DISC1: variants seen among roughly 807,000 people sequenced by gnomAD.
DISC1 encodes DISC1 scaffold protein, also known as disrupted in schizophrenia 1 protein.
DISC1 carries 57 observed loss-of-function variants against 84.5 expected under a neutral mutation model. The observed-to-expected ratio is 0.67, with a 90% confidence interval of 0.55 to 0.84. The LOEUF is 0.84. Among genes scored for constraint, DISC1 ranks in the 40% least tolerant of loss-of-function variants. DISC1 has a pLI of 0.00. For synonymous variants in DISC1, 411 were observed against 415.2 expected, an observed-to-expected ratio of 0.99 and a Z score of 0.12; for missense variants, 1,000 against 1,057.8, an observed-to-expected ratio of 0.95 and a Z score of 0.76.
intron 1 of DISC1, among the ~76,000 whole-genome samples, chr1:231,673,173 T>C (rs1012061603): frequency 1.3e-5 from 2 of 152,220 alleles, no homozygotes; most frequent in African/African-American, 4.8e-5. Flanking sequence ...GAATCTGTTT[T>C]CATTATAAAG....
At chr1:231,936,387 G>A (rs939040700) in intron 9 of DISC1, among the ~76,000 whole-genome samples, 6 of 152,128 alleles carry the variant, frequency 3.9e-5, no homozygotes, top group South Asian at 2.1e-4. Flanking sequence ...GTTATATAGC[G>A]TTGCTTCCCT....
intron 8 of DISC1, among the ~76,000 whole-genome samples, chr1:231,806,145 T>C (rs924160140): frequency 6.6e-6 from 1 of 152,204 alleles, no homozygotes; most frequent in Non-Finnish European, 1.5e-5. Context: ...ATAATAAATA[T>C]ATGAACGTGA....
At chr1:231,676,832 T>C (rs1558306183) in intron 1 of DISC1, among the ~76,000 whole-genome samples, 1 of 152,218 alleles carries the variant, frequency 6.6e-6, no homozygotes, top group East Asian at 1.9e-4. Flanking sequence ...AACAGACTTT[T>C]ATAGTTTGTT....
intron 9 of DISC1, among the ~76,000 whole-genome samples, chr1:231,912,777 C>CTTTT (rs2126059015): frequency 6.9e-6 from 1 of 145,014 alleles, no homozygotes; most frequent in South Asian, 2.2e-4. Flanking sequence ...TTCTTTCTTT[C>CTTTT]TTTCTTTCTT....
Position 231,926,002 on chromosome 1 carries a change from G to A in DISC1, c.1982-32826G>A, listed in dbSNP as rs193293419. 2.0e-5 allele frequency: 3 copies of A among 152,340 alleles called. No homozygotes were observed. In the East Asian group the frequency reaches 5.8e-4, roughly 29 times the overall value. The allele number at this position is 152,340 out of a possible 1,614,324, so 9.4% of individuals were successfully genotyped here. A position where few individuals can be genotyped will look rare whatever the true frequency, so the allele number is the denominator to read the frequency against. Reference sequence around the variant, plus strand: ...CAGTTTTCGATACTTTGTCATAGCAGCATTAGGCAACTAATTCCATATCTC... The same window carrying A: ...CAGTTTTCGATACTTTGTCATAGCAACATTAGGCAACTAATTCCATATCTC... On this transcript the variant is annotated intron_variant, in intron 9 of 12. Coordinates refer to ENST00000439617, the MANE Select transcript of DISC1 (RefSeq NM_018662.3).
At chr1:231,957,339 G>C (rs1659690612) in intron 9 of DISC1, among the ~76,000 whole-genome samples, 2 of 152,080 alleles carry the variant, frequency 1.3e-5, no homozygotes, top group Non-Finnish European at 2.9e-5. Flanking sequence ...TGCCTTCCCT[G>C]ACCACTCTAC....
rs138155658 is a variant in DISC1 at position 231,819,153 on chromosome 1, A to G, written c.1981+636A>G. On this transcript the variant is annotated intron_variant, in intron 9 of 12. Transcript: ENST00000439617. Reference sequence around the variant, plus strand: ...CTGGTTCAGTGCAAATTGAGATGGTAAAAACTTATTTCTTAAAAAATGGTT... The same window carrying G: ...CTGGTTCAGTGCAAATTGAGATGGTGAAAACTTATTTCTTAAAAAATGGTT... The G allele has an allele frequency of 5.2e-3, 5,088 of 984,822 alleles. 15 individuals are homozygous for G. Among genetic ancestry groups the G allele is most frequent in the South Asian group, 9.0e-3 (191 of 21,296 alleles). The allele number at this position is 984,822 out of a possible 1,614,324, so 61.0% of individuals were successfully genotyped here. A position where few individuals can be genotyped will look rare whatever the true frequency, so the allele number is the denominator to read the frequency against.
chr1:231,860,590 C>T (rs750334400), intron 9 of DISC1, among the ~76,000 whole-genome samples: 9 of 152,126 alleles, frequency 5.9e-5, no homozygotes, highest in Non-Finnish European at 1.0e-4. Context: ...GAAAAGCCCA[C>T]GTTTTCAGGA....
At chr1:231,811,245 C>A (rs1353957576) in intron 8 of DISC1, among the ~76,000 whole-genome samples, 1 of 152,226 alleles carries the variant, frequency 6.6e-6, no homozygotes, top group East Asian at 1.9e-4. Context: ...ATGGCAAATT[C>A]TAGCTGAAGG....
At chr1:231,833,304 G>T (rs1574149002) in intron 9 of DISC1, among the ~76,000 whole-genome samples, 1 of 151,620 alleles carries the variant, frequency 6.6e-6, no homozygotes, top group East Asian at 1.9e-4. Context: ...ATCTACAACA[G>T]TTATGGAGGC....
intron 6 of DISC1, among the ~76,000 whole-genome samples, chr1:231,789,659 GC>G (rs2125582231): frequency 6.6e-6 from 1 of 152,238 alleles, no homozygotes; most frequent in South Asian, 2.1e-4. Flanking sequence ...AACCAAAATT[GC>G]CTGGCTGTCT....
At chr1:231,707,998 A>G (rs1351171182) in intron 3 of DISC1, among the ~76,000 whole-genome samples, 3 of 152,200 alleles carry the variant, frequency 2.0e-5, no homozygotes, top group Non-Finnish European at 2.9e-5. Flanking sequence ...TAGTTGCATC[A>G]TGGTAGGTGG....
intron 2 of DISC1, 80 bp downstream of exon 2, chr1:231,694,885 G>T (rs910036026): frequency 4.5e-6 from 7 of 1,562,908 alleles, no homozygotes; most frequent in Non-Finnish European, 6.1e-6. Context: ...GAAACGAGGG[G>T]TTCTGGGCTC....
intron 9 of DISC1, among the ~76,000 whole-genome samples, chr1:231,937,335 T>G (rs2091041908): frequency 6.6e-6 from 1 of 152,248 alleles, no homozygotes; most frequent in Non-Finnish European, 1.5e-5. Flanking sequence ...TTTTAAATAC[T>G]TAAAACAAAT....
At chr1:231,723,695 T>G (rs1022479750) in intron 3 of DISC1, 3 of 985,380 alleles carry the variant, frequency 3.0e-6, no homozygotes, top group Non-Finnish European at 2.4e-6. Flanking sequence ...ATTCTCAAAT[T>G]CAGTCTTCCA....
chr1:231,971,136 CAAGAT>C (rs1661897436), intron 10 of DISC1, among the ~76,000 whole-genome samples: 1 of 152,086 alleles, frequency 6.6e-6, no homozygotes, highest in African/African-American at 2.4e-5. Context: ...TTTTTAAACT[CAAGAT>C]AAACCATTAT....
chr1:231,918,149 T>C (rs780468896), intron 9 of DISC1, among the ~76,000 whole-genome samples: 3 of 152,254 alleles, frequency 2.0e-5, no homozygotes, highest in Non-Finnish European at 4.4e-5. Flanking sequence ...TGTTTTAGGT[T>C]GTGCCGGCTC....
chr1:231,818,202 G>A lies in DISC1; in HGVS notation c.1793-127G>A, dbSNP rs2081220110. On this transcript the variant is annotated intron_variant, in intron 8 of 12. Coordinates refer to ENST00000439617, the MANE Select transcript of DISC1 (RefSeq NM_018662.3). Reference sequence around the variant, plus strand: ...TCCCCAGAGGACTGCTAAGGAAATTGTACATAATCTCAAAGTGCAGTTTCT... The same window carrying A: ...TCCCCAGAGGACTGCTAAGGAAATTATACATAATCTCAAAGTGCAGTTTCT... 3.1e-6 allele frequency: 3 copies of A among 980,048 alleles called. No individual in the cohort carries two copies. In the African/African-American group the frequency reaches 4.8e-5, roughly 16 times the overall value. The allele number at this position is 980,048 out of a possible 1,614,324, so 60.7% of individuals were successfully genotyped here.
At chr1:232,008,641 A>T in intron 10 of DISC1, 144 bp from the exon 11 acceptor site, 1 of 1,013,060 alleles carries the variant, frequency 9.9e-7, no homozygotes, top group Non-Finnish European at 1.4e-6. Context: ...TGAATCTTCT[A>T]GTTGAAATAA....
Sources: allele counts gnomAD v4.1 joint callset (sites outside exome capture counted in the v4.1 genomes callset), GRCh38; gene constraint gnomAD v4.1.1; transcripts MANE v1.5; gene names NCBI Gene and HGNC (gene_info 2026-07-23, HGNC 2026-07-21).